Variants in ZC3H12D observed in about 807,000 individuals in gnomAD.
ZC3H12D encodes zinc finger CCCH-type containing 12D.
In ZC3H12D, 11 loss-of-function variants were observed where a neutral mutation model predicts 24.2. That is an observed-to-expected ratio of 0.46 (90% CI 0.29 to 0.75). The LOEUF (loss-of-function observed/expected upper bound fraction) is 0.75, where lower values mean the gene tolerates loss of function less well. ZC3H12D is among the 30% of genes least tolerant of loss of function. The pLI is 0.11. For missense variants in ZC3H12D, 740 were observed against 767.7 expected (o/e 0.96, Z 0.43); for synonymous variants, 333 against 341.8 (o/e 0.97, Z 0.28).
At position 149,477,241 on chromosome 6, in the gene ZC3H12D, A is replaced by G. The variant is rs577410282; in HGVS notation, c.-70-2628T>C. 5.6e-4 allele frequency among the ~76,000 whole-genome samples: 86 copies of G among 152,368 alleles called. 1 individual carries two copies. The Middle Eastern group carries it at 0.017, about 30-fold the overall frequency. ...GAGTTCAGGAGCCACAGCAGGTCTA[A>G]CAATGGCAGGGTCTGGCAGGTGAAG... On this transcript the variant is annotated intron_variant, in intron 1 of 5. Transcript: ENST00000409806.
intron 1 of ZC3H12D, among the ~76,000 whole-genome samples, chr6:149,479,624 A>G (rs1471554098): frequency 2.6e-5 from 4 of 152,196 alleles, no homozygotes; most frequent in Non-Finnish European, 4.4e-5. Flanking sequence ...AAGACACTGA[A>G]TTACTCAGGT....
At chr6:149,475,872 C>A (rs1776332077) in intron 1 of ZC3H12D, among the ~76,000 whole-genome samples, 1 of 152,156 alleles carries the variant, frequency 6.6e-6, no homozygotes, top group South Asian at 2.1e-4. Flanking sequence ...ACACTCTAGA[C>A]AGCCTTGGTC....
intron 3 of ZC3H12D, among the ~76,000 whole-genome samples, chr6:149,458,148 T>TTTTTTTTTC (rs1562472760): frequency 2.3e-5 from 3 of 128,082 alleles, no homozygotes; most frequent in African/African-American, 1.1e-4. Flanking sequence ...TTTTTTTTTT[T>TTTTTTTTTC]TTTTTGAGAC....
intron 2 of ZC3H12D, among the ~76,000 whole-genome samples, chr6:149,466,049 A>G (rs1245943907): frequency 1.3e-5 from 2 of 152,094 alleles, no homozygotes; most frequent in African/African-American, 4.8e-5. Flanking sequence ...GTGAGTCTGA[A>G]GCCACACCCC....
At position 149,451,416 on chromosome 6, in the gene ZC3H12D, T is replaced by G; in HGVS notation, c.851A>C (p.Gln284Pro). 1.3e-6 allele frequency: 2 copies of G among 1,571,984 alleles called. No individual in the cohort carries two copies. The highest frequency in any genetic ancestry group is 1.7e-6 in the Non-Finnish European group (2 of 1,169,168). ...FYHPERPHHA[Q>P]LAVADELRAK... Reference sequence around the variant, plus strand: ...GCGGAGCTCGTCGGCCACCGCCAGTTGCGCGTGGTGCGGCCTCTCCGGGTG... The same window carrying G: ...GCGGAGCTCGTCGGCCACCGCCAGTGGCGCGTGGTGCGGCCTCTCCGGGTG... Residue 284 changes from glutamine (Q) to proline (P), a missense_variant, in exon 6 of 6, where the codon CAA becomes CCA. Gln to Pro is a moderately conservative substitution (Grantham distance 76, BLOSUM62 -1). Transcript: ENST00000409806.
At chr6:149,473,516 G>A (rs367826873) in intron 2 of ZC3H12D, among the ~76,000 whole-genome samples, 15 of 152,318 alleles carry the variant, frequency 9.8e-5, no homozygotes, top group East Asian at 1.9e-4. Flanking sequence ...CAGAGATTCC[G>A]TCACAGGGGA....
In ZC3H12D at chr6:149,456,626, C is replaced by T; in HGVS notation, c.680+40G>A. 1 of 1,386,862 alleles carries T rather than the reference C, an allele frequency of 7.2e-7. No homozygotes were observed. The highest frequency in any genetic ancestry group is 1.0e-6 in the Non-Finnish European group (1 of 983,184). The allele number at this position is 1,386,862 out of a possible 1,614,324, so 85.9% of individuals were successfully genotyped here. A position where few individuals can be genotyped will look rare whatever the true frequency, so the allele number is the denominator to read the frequency against. ...ACTGCCTCGACCCCGGCCCCCCGCC[C>T]CGCCGCCCCCCAGGGTGTCAGGACC... is the stretch of plus-strand genomic sequence containing the variant. On this transcript the variant is annotated intron_variant, in intron 4 of 5. Transcript: ENST00000409806. The surrounding 1 kb of genome is among the most constrained non-coding windows in gnomAD (Gnocchi z 4.3).
Position 149,450,668 on chromosome 6 carries a change from G to C in ZC3H12D, c.*15C>G. The C allele has an allele frequency of 2.0e-6, 3 of 1,503,306 alleles. No homozygotes were observed. Among genetic ancestry groups the C allele is most frequent in the Non-Finnish European group, 2.7e-6 (3 of 1,122,378 alleles). The allele number at this position is 1,503,306 out of a possible 1,614,324, so 93.1% of individuals were successfully genotyped here. A position where few individuals can be genotyped will look rare whatever the true frequency, so the allele number is the denominator to read the frequency against. ...GGCGAGGCTGGGCCATTCCCTGCAA[G>C]TGCGTGTTGGTCCCTTAGGGCTTGC... On this transcript the variant is annotated 3_prime_UTR_variant, in exon 6 of 6. Coordinates refer to ENST00000409806, the MANE Select transcript of ZC3H12D (RefSeq NM_207360.3).
chr6:149,473,829 G>A (rs112141958), intron 2 of ZC3H12D, among the ~76,000 whole-genome samples: 1 of 152,078 alleles, frequency 6.6e-6, no homozygotes, highest in African/African-American at 2.4e-5. Context: ...GAGTCTCGCA[G>A]CCGGTTAGGG....
Position 149,452,455 on chromosome 6 carries a change from C to A in ZC3H12D, c.787+161G>T. On this transcript the variant is annotated intron_variant, in intron 5 of 5. Coordinates refer to ENST00000409806, the MANE Select transcript of ZC3H12D (RefSeq NM_207360.3). This position sits in a 1 kb window ranked among gnomAD's most constrained non-coding sequence, Gnocchi z 4.0. ...GCCAGGATGTCAGTTCTACAATAAC[C>A]CTGTCAGGAAAGTTAACTCTCCAGG... 3.6e-6 allele frequency: 2 copies of A among 550,950 alleles called. No homozygotes were observed. Among genetic ancestry groups the A allele is most frequent in the Non-Finnish European group, 3.0e-6 (1 of 329,180 alleles). The allele number at this position is 550,950 out of a possible 1,614,324, so 34.1% of individuals were successfully genotyped here.
chr6:149,468,851 T>C (rs1776201502), intron 2 of ZC3H12D, among the ~76,000 whole-genome samples: 1 of 152,058 alleles, frequency 6.6e-6, no homozygotes, highest in Admixed American at 6.5e-5. Flanking sequence ...GAGGGGGGCA[T>C]GATGAAAACT....
At chr6:149,483,788 G>A (rs1010896364) in intron 1 of ZC3H12D, among the ~76,000 whole-genome samples, 2 of 151,880 alleles carry the variant, frequency 1.3e-5, no homozygotes, top group Non-Finnish European at 2.9e-5. Context: ...TGGCCTCAAG[G>A]GATCCTCCCT....
At chr6:149,467,993 G>C (rs1302419039) in intron 2 of ZC3H12D, among the ~76,000 whole-genome samples, 1 of 152,032 alleles carries the variant, frequency 6.6e-6, no homozygotes, top group African/African-American at 2.4e-5. Context: ...TTTTCTGTTT[G>C]TTTTTGAGAC....
chr6:149,482,683 G>T (rs1158382435), intron 1 of ZC3H12D, among the ~76,000 whole-genome samples: 1 of 152,168 alleles, frequency 6.6e-6, no homozygotes, highest in Non-Finnish European at 1.5e-5. Flanking sequence ...GAAGGGCCCT[G>T]AGGAAAAGAG....
intron 2 of ZC3H12D, among the ~76,000 whole-genome samples, chr6:149,466,501 G>A (rs1392755757): frequency 2.0e-5 from 3 of 151,830 alleles, no homozygotes; most frequent in East Asian, 1.9e-4. Flanking sequence ...CGTCACCCCC[G>A]AGACACATGC....
intron 4 of ZC3H12D, among the ~76,000 whole-genome samples, chr6:149,455,137 A>G (rs1775958286): frequency 6.6e-6 from 1 of 152,134 alleles, no homozygotes; most frequent in Non-Finnish European, 1.5e-5. Flanking sequence ...CTCAGATGGA[A>G]ACCTCACCTG....
intron 4 of ZC3H12D, among the ~76,000 whole-genome samples, chr6:149,453,272 C>G (rs944972841): frequency 6.7e-6 from 1 of 149,612 alleles, no homozygotes; most frequent in Non-Finnish European, 1.5e-5. Context: ...TGCACTCCAG[C>G]CCCGGTAACA....
At position 149,473,423 on chromosome 6, in the gene ZC3H12D, G is replaced by A. The variant is rs377053833; in HGVS notation, c.305+816C>T. 9.8e-5 allele frequency among the ~76,000 whole-genome samples: 15 copies of A among 152,312 alleles called. No homozygotes were observed. The East Asian group carries it at 2.1e-3, about 22-fold the overall frequency. Reference sequence around the variant, plus strand: ...TTTCCTATGGCTCTGCCCTTTGCACGGTTGTAACAAAGCCAAGCGGTAGAA... The same window carrying A: ...TTTCCTATGGCTCTGCCCTTTGCACAGTTGTAACAAAGCCAAGCGGTAGAA... On this transcript the variant is annotated intron_variant, in intron 2 of 5. Coordinates refer to ENST00000409806, the MANE Select transcript of ZC3H12D (RefSeq NM_207360.3).
chr6:149,469,724 C>G (rs1194015817), intron 2 of ZC3H12D, among the ~76,000 whole-genome samples: 1 of 152,186 alleles, frequency 6.6e-6, no homozygotes, highest in Non-Finnish European at 1.5e-5. Context: ...CTTTGGGCTG[C>G]TAGTCCATGA....
Sources: allele counts gnomAD v4.1 joint callset (sites outside exome capture counted in the v4.1 genomes callset), GRCh38; gene constraint gnomAD v4.1.1; non-coding constraint Gnocchi (gnomAD v3.1); transcripts MANE v1.5; gene names NCBI Gene and HGNC (gene_info 2026-07-23, HGNC 2026-07-21).